GRIA2: variants seen among roughly 807,000 people sequenced by gnomAD.
GRIA2 encodes the protein glutamate ionotropic receptor AMPA type subunit 2.
Under a neutral mutation model 97.3 loss-of-function variants are expected in GRIA2, and 14 were observed. That is an observed-to-expected ratio of 0.14 (90% confidence interval 0.10 to 0.23). The LOEUF (loss-of-function observed/expected upper bound fraction) is 0.23. Among genes scored for constraint, GRIA2 ranks in the 10% least tolerant of loss-of-function variants. GRIA2 has a pLI of 1.00. For synonymous variants in GRIA2, 412 were observed against 387.8 expected, an observed-to-expected ratio of 1.06 and a Z score of -0.73; for missense variants, 558 against 1,069.8, an observed-to-expected ratio of 0.52 and a Z score of 6.67.
chr4:157,236,579 A>G (rs892714798), intron 2 of GRIA2, among the ~76,000 whole-genome samples: 2 of 152,150 alleles, frequency 1.3e-5, no homozygotes, highest in African/African-American at 4.8e-5. Flanking sequence ...TGAGTGGAAT[A>G]ACTTGTAGTC....
At chr4:157,334,496 G>A (rs1397007877) in intron 9 of GRIA2, 1 of 167,640 alleles carries the variant, frequency 6.0e-6, no homozygotes, top group Non-Finnish European at 1.3e-5. Context: ...ATGATGTCAA[G>A]TTGTCTTTAT....
chr4:157,295,235 TAGAG>T (rs1733290976), intron 2 of GRIA2, among the ~76,000 whole-genome samples: 1 of 152,086 alleles, frequency 6.6e-6, no homozygotes, highest in Non-Finnish European at 1.5e-5. Flanking sequence ...AAATATTTGT[TAGAG>T]AGAAAGAAAA....
chr4:157,344,508 G>A (rs1156374830), intron 12 of GRIA2, among the ~76,000 whole-genome samples: 19 of 152,144 alleles, frequency 1.2e-4, no homozygotes, highest in South Asian at 4.1e-4. Flanking sequence ...TTTGTTCTCT[G>A]CCCATTCATT....
chr4:157,335,988 A>G (rs1735267727), intron 10 of GRIA2, 111 bp downstream of exon 10: 1 of 733,098 alleles, frequency 1.4e-6, no homozygotes, highest in African/African-American at 1.7e-5. Flanking sequence ...TTCCCACATT[A>G]CTCTAGAAAC....
chr4:157,315,583 G>A (rs768865166), intron 4 of GRIA2, among the ~76,000 whole-genome samples: 29 of 151,620 alleles, frequency 1.9e-4, no homozygotes, highest in Admixed American at 7.3e-4. Context: ...TCGCTCTGTC[G>A]CCAGGCTGGA....
intron 2 of GRIA2, among the ~76,000 whole-genome samples, chr4:157,236,281 G>A (rs899869826): frequency 1.3e-5 from 2 of 151,766 alleles, no homozygotes; most frequent in Admixed American, 1.3e-4. Context: ...CACTACACAC[G>A]GGGATATAAT....
chr4:157,327,014 G>T (rs1734833021), intron 6 of GRIA2, among the ~76,000 whole-genome samples: 1 of 152,114 alleles, frequency 6.6e-6, no homozygotes, highest in Non-Finnish European at 1.5e-5. Flanking sequence ...CATGGGGATG[G>T]AGGGAAATAG....
rs569372373 is a variant in GRIA2, at chr4:157,298,510, A to AT, written c.230-5036dup. Among the ~76,000 whole-genome samples, 11 of 145,846 alleles carry AT rather than the reference A, an allele frequency of 7.5e-5. No individual in the cohort carries two copies. The East Asian group carries it at 1.4e-3, about 19-fold the overall frequency. ...ATGGTTCATCAGAATAAAATAAAAC[A>AT]TTTTTTCATTATTTTTATGGAATTA... is the stretch of plus-strand genomic sequence containing the variant. On this transcript the variant is annotated intron_variant, in intron 2 of 15. Transcript: ENST00000264426.
chr4:157,293,877 G>A (rs1382082121), intron 2 of GRIA2, among the ~76,000 whole-genome samples: 1 of 152,092 alleles, frequency 6.6e-6, no homozygotes, highest in Admixed American at 6.6e-5. Context: ...AAGGGTGTGT[G>A]AGTCCATTAT....
chr4:157,221,645 G>T, intron 1 of GRIA2, 22 bp from the exon 2 acceptor site: 1 of 1,613,224 alleles, frequency 6.2e-7, no homozygotes, highest in Non-Finnish European at 8.5e-7. Context: ...CTGTTCTCTT[G>T]CTTGCTGTTT....
Position 157,243,151 on chromosome 4 carries a change from G to A in GRIA2, c.229+21344G>A, listed in dbSNP as rs537553201. 3.3e-5 allele frequency among the ~76,000 whole-genome samples: 5 copies of A among 152,152 alleles called. No homozygotes were observed. The South Asian group carries it at 8.3e-4, about 25-fold the overall frequency. On this transcript the variant is annotated intron_variant, in intron 2 of 15. Coordinates refer to ENST00000264426, the MANE Select transcript of GRIA2 (RefSeq NM_001083619.3). ...CTGGGTAACAATTTTTCACTGCTCT[G>A]CAAATGTCCATGAATGACTGCAAAA... is the stretch of plus-strand genomic sequence containing the variant.
intron 12 of GRIA2, among the ~76,000 whole-genome samples, chr4:157,355,932 T>TA: frequency 0.024 from 707 of 28,968 alleles, 32 homozygotes; most frequent in Non-Finnish European, 0.039. Flanking sequence ...TTTATATATA[T>TA]TTATATATTA....
chr4:157,295,703 G>A (rs1733316278), intron 2 of GRIA2, among the ~76,000 whole-genome samples: 1 of 152,068 alleles, frequency 6.6e-6, no homozygotes, highest in Admixed American at 6.6e-5. Flanking sequence ...AAAGTAGATG[G>A]TTTAACTTCA....
intron 11 of GRIA2, among the ~76,000 whole-genome samples, chr4:157,339,755 C>T (rs1012044734): frequency 2.0e-5 from 3 of 151,778 alleles, no homozygotes; most frequent in East Asian, 1.9e-4. Context: ...ACTGAATCTG[C>T]GCTCTTAAAT....
chr4:157,235,008 T>G (rs1381827624), intron 2 of GRIA2, among the ~76,000 whole-genome samples: 1 of 152,100 alleles, frequency 6.6e-6, no homozygotes, highest in Admixed American at 6.6e-5. Context: ...CTTCTTATGT[T>G]GCCTTATATT....
chr4:157,319,390 A>G (rs887478756), intron 5 of GRIA2, among the ~76,000 whole-genome samples: 5 of 152,222 alleles, frequency 3.3e-5, no homozygotes, highest in Non-Finnish European at 7.3e-5. Flanking sequence ...AAATGAAAAT[A>G]AGTGTTTGAA....
chr4:157,278,541 T>C (rs1732451653), intron 2 of GRIA2, among the ~76,000 whole-genome samples: 1 of 151,844 alleles, frequency 6.6e-6, no homozygotes, highest in South Asian at 2.1e-4. Context: ...TATTAGAAAA[T>C]CTACATGGTT....
chr4:157,221,267 A>T (rs1729480389), intron 1 of GRIA2, 137 bp downstream of exon 1: 1 of 648,880 alleles, frequency 1.5e-6, no homozygotes, highest in Non-Finnish European at 2.8e-6. Flanking sequence ...TACCTAGAAT[A>T]TACATGTTTT....
chr4:157,233,992 T>C (rs1477951995), intron 2 of GRIA2, among the ~76,000 whole-genome samples: 2 of 152,130 alleles, frequency 1.3e-5, no homozygotes, highest in Non-Finnish European at 2.9e-5. Context: ...GAGCCTCTAT[T>C]GGTCTCAGTT....
Sources: gnomAD v4.1 joint callset for allele counts (sites outside exome capture counted in the v4.1 genomes callset) on GRCh38, gnomAD v4.1.1 for gene constraint, MANE v1.5 for transcripts, NCBI Gene and HGNC (gene_info 2026-07-23, HGNC 2026-07-21) for gene names.